Variants in RIC1 observed in about 807,000 individuals in gnomAD.
The protein encoded by RIC1 is guanine nucleotide exchange factor subunit RIC1.
RIC1 carries 88 observed loss-of-function variants against 169.0 expected under a neutral mutation model. That is an observed-to-expected ratio of 0.52 (90% CI 0.44 to 0.62). The LOEUF (loss-of-function observed/expected upper bound fraction) is 0.62, where lower values mean the gene tolerates loss of function less well. Among genes scored for constraint, RIC1 ranks in the 20% least tolerant of loss-of-function variants. The probability of loss-of-function intolerance (pLI) is 0.00; values close to 1 mark genes in which losing one functional copy is unlikely to be tolerated. For synonymous variants in RIC1, 790 were observed against 601.5 expected (o/e 1.31, Z -4.59); for missense variants, 1,877 against 1,725.5 (o/e 1.09, Z -1.56).
chr9:5,727,360 G>C (rs1341780346), intron 6 of RIC1, among the ~76,000 whole-genome samples: 1 of 152,146 alleles, frequency 6.6e-6, no homozygotes, highest in Non-Finnish European at 1.5e-5. Flanking sequence ...GCATCACATA[G>C]TTCTCGTGCG....
intron 2 of RIC1, among the ~76,000 whole-genome samples, chr9:5,662,794 A>T (rs1299652364): frequency 2.0e-5 from 3 of 151,876 alleles, no homozygotes; most frequent in Non-Finnish European, 4.4e-5. Flanking sequence ...CAGCTCTTGG[A>T]TTCATTGATC....
In RIC1 at chr9:5,763,029, CA is replaced by C. The variant is rs1206333590; in HGVS notation, c.2113-104del. The C allele has an allele frequency of 6.7e-6, 9 of 1,341,500 alleles. No individual in the cohort carries two copies. Among genetic ancestry groups the C allele is most frequent in the South Asian group, 1.5e-5 (1 of 64,990 alleles). 83.1% of individuals were successfully genotyped at this position (1,341,500 alleles called of 1,614,324 possible). A position where few individuals can be genotyped will look rare whatever the true frequency, so the allele number is the denominator to read the frequency against. On this transcript the variant is annotated intron_variant, in intron 18 of 25. Transcript: ENST00000414202. The surrounding 1 kb of genome is among the most constrained non-coding windows in gnomAD (Gnocchi z 5.2). ...TCTAATTAGATCCCTTTGCTTTTCC[CA>C]AAAAAATATTATACTATCATTTGAA...
At chr9:5,721,984 G>A (rs1823621435) in intron 6 of RIC1, among the ~76,000 whole-genome samples, 1 of 151,704 alleles carries the variant, frequency 6.6e-6, no homozygotes, top group South Asian at 2.1e-4. Context: ...CGCCTCTCGG[G>A]TTCAAGCGAT....
At chr9:5,683,013 A>G (rs1820957602) in intron 2 of RIC1, among the ~76,000 whole-genome samples, 1 of 152,086 alleles carries the variant, frequency 6.6e-6, no homozygotes, top group African/African-American at 2.4e-5. Context: ...TTTCAGCTCC[A>G]TCAGGTCCTT....
At chr9:5,646,731 C>T (rs759568065) in intron 1 of RIC1, among the ~76,000 whole-genome samples, 6 of 152,128 alleles carry the variant, frequency 3.9e-5, no homozygotes, top group Admixed American at 2.0e-4. Context: ...TAAAGTGACA[C>T]GTGACTGTAT....
Position 5,629,467 on chromosome 9 carries a change from C to A in RIC1, c.144+14C>A. The A allele has an allele frequency of 2.6e-6, 4 of 1,526,130 alleles. No homozygotes were observed. Among genetic ancestry groups the A allele is most frequent in the Non-Finnish European group, 1.8e-6 (2 of 1,142,402 alleles). The allele number at this position is 1,526,130 out of a possible 1,614,324, so 94.5% of individuals were successfully genotyped here. ...TGGTACAGCCGAGTAAGTAGAGCCG[C>A]CCGCCGCCTTTCGCCGCTGCCTCCC... On this transcript the variant is annotated intron_variant, in intron 1 of 25. Transcript: ENST00000414202.
chr9:5,763,883 C>T lies in RIC1; in HGVS notation c.2841+15C>T, dbSNP rs1168308340. The T allele has an allele frequency of 1.9e-6, 3 of 1,589,508 alleles. No individual in the cohort carries two copies. Among genetic ancestry groups the T allele is most frequent in the Non-Finnish European group, 2.6e-6 (3 of 1,165,252 alleles). The stretch of plus-strand genomic sequence containing the variant: ...TTATCTTACAGGTAACAATTCTCTT[C>T]TTATAAAGGGGCAAGAATTAATGAG... On this transcript the variant is annotated intron_variant, in intron 19 of 25. Transcript: ENST00000414202. The surrounding 1 kb of genome is among the most constrained non-coding windows in gnomAD (Gnocchi z 5.2).
chr9:5,637,940 A>G (rs906768922), intron 1 of RIC1, among the ~76,000 whole-genome samples: 1 of 152,164 alleles, frequency 6.6e-6, no homozygotes, highest in Non-Finnish European at 1.5e-5. Flanking sequence ...CTTAGAGGAA[A>G]GGCTTTCGGT....
At chr9:5,713,483 A>G (rs1369083495) in intron 3 of RIC1, 1 of 153,410 alleles carries the variant, frequency 6.5e-6, no homozygotes, top group Non-Finnish European at 1.5e-5. Flanking sequence ...GGTGTGGAGT[A>G]AGTAAAGATG....
At position 5,724,177 on chromosome 9, in the gene RIC1, C is replaced by A. The variant is rs1823802445; in HGVS notation, c.720+3427C>A. On this transcript the variant is annotated intron_variant, in intron 6 of 25. Coordinates refer to ENST00000414202, the MANE Select transcript of RIC1 (RefSeq NM_020829.4). The stretch of plus-strand genomic sequence containing the variant: ...TATGGCCATTTTCACAATATTGATT[C>A]TTCCTATCCATGAGCATGGAAAGTT... Among the ~76,000 whole-genome samples the A allele has an allele frequency of 3.3e-5, 5 of 152,288 alleles. No individual in the cohort carries two copies. The South Asian group carries it at 1.0e-3, about 32-fold the overall frequency.
At chr9:5,769,639 T>G (rs1190291902) in intron 22 of RIC1, 4 of 375,738 alleles carry the variant, frequency 1.1e-5, no homozygotes, top group African/African-American at 2.1e-5. Flanking sequence ...AAGGCCACCT[T>G]CTAAACTAGG....
intron 2 of RIC1, among the ~76,000 whole-genome samples, chr9:5,683,909 T>A (rs1821026953): frequency 6.6e-6 from 1 of 152,152 alleles, no homozygotes; most frequent in Non-Finnish European, 1.5e-5. Flanking sequence ...GTGCTAGCAA[T>A]GAGCGAGGCT....
At chr9:5,691,625 A>C (rs1426762913) in intron 3 of RIC1, among the ~76,000 whole-genome samples, 1 of 151,890 alleles carries the variant, frequency 6.6e-6, no homozygotes, top group Non-Finnish European at 1.5e-5. Context: ...TGAAAAAAGA[A>C]TTTTTTTGCA....
intron 11 of RIC1, among the ~76,000 whole-genome samples, chr9:5,746,653 C>T (rs970483226): frequency 2.0e-5 from 3 of 151,920 alleles, no homozygotes; most frequent in African/African-American, 7.3e-5. Flanking sequence ...TTAGAAACAC[C>T]GCCCCAAACA....
intron 17 of RIC1, among the ~76,000 whole-genome samples, chr9:5,761,302 C>T (rs375881646): frequency 7.9e-5 from 12 of 151,526 alleles, no homozygotes; most frequent in Admixed American, 7.2e-4. Context: ...TTAGTAGAGA[C>T]GGGGTTTCAC....
chr9:5,773,377 C>A (rs540385702), intron 25 of RIC1, among the ~76,000 whole-genome samples: 14 of 152,232 alleles, frequency 9.2e-5, no homozygotes, highest in East Asian at 1.9e-4. Flanking sequence ...TAGACTGGAA[C>A]TTCAGATTTG....
At chr9:5,702,536 GTT>G (rs368669483) in intron 3 of RIC1, among the ~76,000 whole-genome samples, 2,840 of 75,288 alleles carry the variant, frequency 0.038, 108 homozygotes, top group African/African-American at 0.27. Flanking sequence ...TTTTGTTTTT[GTT>G]TTTGTTTGTT....
chr9:5,752,795 C>G (rs564710472), intron 12 of RIC1, among the ~76,000 whole-genome samples: 1 of 152,092 alleles, frequency 6.6e-6, no homozygotes, highest in Non-Finnish European at 1.5e-5. Flanking sequence ...CCATTAAAAA[C>G]CAGAACTTTT....
chr9:5,712,196 T>C (rs1822972657), intron 3 of RIC1, among the ~76,000 whole-genome samples: 2 of 152,214 alleles, frequency 1.3e-5, no homozygotes, highest in Admixed American at 6.5e-5. Flanking sequence ...CCACCAACAA[T>C]GTAAAAGTGT....
Sources: allele counts gnomAD v4.1 joint callset (sites outside exome capture counted in the v4.1 genomes callset), GRCh38; gene constraint gnomAD v4.1.1; non-coding constraint Gnocchi (gnomAD v3.1); transcripts MANE v1.5; gene names NCBI Gene and HGNC (gene_info 2026-07-23, HGNC 2026-07-21).